The following MBNL1 variants were observed in gnomAD, a reference collection of about 807,000 sequenced individuals.
MBNL1 encodes the protein muscleblind-like protein 1.
In MBNL1, 8 loss-of-function variants were observed where a neutral mutation model predicts 42.2. The ratio of observed to expected loss-of-function variants is 0.19; its 90% CI spans 0.11 to 0.34. The LOEUF is 0.34. Among genes scored for constraint, MBNL1 ranks in the 10% least tolerant of loss-of-function variants. The pLI is 1.00. For synonymous variants in MBNL1, 169 were observed against 173.9 expected, an observed-to-expected ratio of 0.97 and a Z score of 0.22; for missense variants, 309 against 495.3, an observed-to-expected ratio of 0.62 and a Z score of 3.57.
intron 2 of MBNL1, among the ~76,000 whole-genome samples, chr3:152,307,046 G>A (rs913312474): frequency 6.6e-6 from 1 of 152,168 alleles, no homozygotes; most frequent in African/African-American, 2.4e-5. Context: ...CTTGAGTGCA[G>A]TGGTGTGATC....
At chr3:152,345,901 T>C (rs1460279344) in intron 2 of MBNL1, among the ~76,000 whole-genome samples, 4 of 152,142 alleles carry the variant, frequency 2.6e-5, no homozygotes. Flanking sequence ...GAGGATCAAA[T>C]AAGTTAATAA....
intron 2 of MBNL1, among the ~76,000 whole-genome samples, chr3:152,244,694 A>G (rs189833712): frequency 1.6e-4 from 25 of 152,296 alleles, no homozygotes; most frequent in Non-Finnish European, 1.5e-5. Context: ...ATAAAACGTT[A>G]TCTTTCTTGT....
At chr3:152,455,044 A>G (rs191646200) in intron 6 of MBNL1, among the ~76,000 whole-genome samples, 105 of 152,316 alleles carry the variant, frequency 6.9e-4, no homozygotes, top group Non-Finnish European at 1.3e-3. Context: ...ATGAAAATGA[A>G]TGTTTGGGTT....
At chr3:152,359,360 A>G (rs575136688) in intron 2 of MBNL1, among the ~76,000 whole-genome samples, 2 of 152,316 alleles carry the variant, frequency 1.3e-5, no homozygotes, top group East Asian at 3.9e-4. Context: ...TCCATCTATT[A>G]TTTATCACAC....
At chr3:152,296,525 G>A (rs925570278) in intron 1 of MBNL1, among the ~76,000 whole-genome samples, 1 of 152,144 alleles carries the variant, frequency 6.6e-6, no homozygotes, top group African/African-American at 2.4e-5. Flanking sequence ...ATCCACTATT[G>A]CTAATGAACA....
chr3:152,280,440 T>A (rs2047756314), intron 1 of MBNL1, among the ~76,000 whole-genome samples: 1 of 152,154 alleles, frequency 6.6e-6, no homozygotes, highest in African/African-American at 2.4e-5. Flanking sequence ...TAAATAAGTG[T>A]GATGCCAGCA....
chr3:152,377,592 A>T (rs1464372528), intron 2 of MBNL1, among the ~76,000 whole-genome samples: 5 of 152,236 alleles, frequency 3.3e-5, no homozygotes, highest in Non-Finnish European at 5.9e-5. Context: ...TGTTGTCATT[A>T]TGTGTTCAAA....
chr3:152,306,842 G>C (rs556208149), intron 2 of MBNL1, among the ~76,000 whole-genome samples: 5 of 152,264 alleles, frequency 3.3e-5, no homozygotes, highest in African/African-American at 1.2e-4. Context: ...CTTTTGAAGA[G>C]AAACTGAAGT....
chr3:152,452,532 C>G (rs1375365759), intron 6 of MBNL1, among the ~76,000 whole-genome samples: 2 of 152,184 alleles, frequency 1.3e-5, no homozygotes, highest in Admixed American at 1.3e-4. Context: ...CTTGCAAGAG[C>G]TCTTAAGACA....
At chr3:152,388,852 T>C (rs753670584) in intron 2 of MBNL1, among the ~76,000 whole-genome samples, 8 of 152,164 alleles carry the variant, frequency 5.3e-5, no homozygotes, top group East Asian at 1.9e-4. Flanking sequence ...TGAAGAAATA[T>C]CTTTATCACA....
Position 152,445,360 on chromosome 3 carries a change from A to G in MBNL1, c.628A>G (p.Met210Val), listed in dbSNP as rs763825916. 1.1e-5 allele frequency: 18 copies of G among 1,614,016 alleles called. No individual in the cohort carries two copies. Among genetic ancestry groups the G allele is most frequent in the East Asian group, 2.2e-5 (1 of 44,892 alleles). The stretch of plus-strand genomic sequence containing the variant: ...GTTTGCTCATCCTGCTGACAGCACA[A>G]TGATTGACACCAATGACAACACAGT... ...CRFAHPADST[M>V]IDTNDNTVTV... Residue 210 changes from methionine (M) to valine (V), a missense_variant, in exon 5 of 10, where the codon ATG becomes GTG. Met to Val is a conservative substitution (Grantham distance 21). Coordinates refer to ENST00000324210, the MANE Select transcript of MBNL1 (RefSeq NM_021038.5).
At chr3:152,398,509 T>A (rs1176827317) in intron 2 of MBNL1, among the ~76,000 whole-genome samples, 1 of 151,858 alleles carries the variant, frequency 6.6e-6, no homozygotes, top group Non-Finnish European at 1.5e-5. Context: ...AAATATGGAG[T>A]GTATGTGTGT....
chr3:152,274,688 G>A (rs144180601), intron 1 of MBNL1, among the ~76,000 whole-genome samples: 2 of 150,764 alleles, frequency 1.3e-5, no homozygotes, highest in African/African-American at 4.8e-5. Flanking sequence ...TTCAGATATC[G>A]AATTTTCATA....
chr3:152,270,398 C>T (rs980585962), intron 1 of MBNL1, among the ~76,000 whole-genome samples: 5 of 152,150 alleles, frequency 3.3e-5, no homozygotes, highest in African/African-American at 1.2e-4. Context: ...TCCCTTCCTC[C>T]TGGGTTTGAA....
intron 2 of MBNL1, among the ~76,000 whole-genome samples, chr3:152,320,435 A>T (rs2075750400): frequency 6.6e-6 from 1 of 152,174 alleles, no homozygotes; most frequent in Non-Finnish European, 1.5e-5. Context: ...TTGTGCAGGC[A>T]GCACATGGGG....
chr3:152,365,442 G>A (rs1463399182), intron 2 of MBNL1, among the ~76,000 whole-genome samples: 1 of 152,054 alleles, frequency 6.6e-6, no homozygotes, highest in Non-Finnish European at 1.5e-5. Context: ...TCTGTCTAAA[G>A]TCTCAAAGAC....
At chr3:152,459,799 A>AAAAACAGGCAGTACATCAC (rs960893508) in intron 9 of MBNL1, among the ~76,000 whole-genome samples, 4 of 152,220 alleles carry the variant, frequency 2.6e-5, no homozygotes, top group Non-Finnish European at 5.9e-5. Flanking sequence ...CTTTATTTAC[A>AAAAACAGGCAGTACATCAC]AAAACAGGCA....
intron 1 of MBNL1, among the ~76,000 whole-genome samples, chr3:152,281,241 C>T (rs563178030): frequency 6.6e-6 from 1 of 152,084 alleles, no homozygotes; most frequent in Non-Finnish European, 1.5e-5. Context: ...GCTCAAGGGT[C>T]ATATGATAAG....
At chr3:152,337,688 C>T (rs1460350533) in intron 2 of MBNL1, among the ~76,000 whole-genome samples, 2 of 151,124 alleles carry the variant, frequency 1.3e-5, no homozygotes, top group African/African-American at 4.8e-5. Flanking sequence ...TCTGTCCTTC[C>T]TCTTCTTTAT....
Sources: allele counts gnomAD v4.1 joint callset (sites outside exome capture counted in the v4.1 genomes callset), GRCh38; gene constraint gnomAD v4.1.1; transcripts MANE v1.5; gene names NCBI Gene and HGNC (gene_info 2026-07-23, HGNC 2026-07-21).